The following CDS2 variants were observed in gnomAD, a reference collection of about 807,000 sequenced individuals.
CDS2 encodes phosphatidate cytidylyltransferase 2.
A neutral mutation model predicts 59.0 loss-of-function variants in CDS2; 47 were observed. That is an observed-to-expected ratio of 0.80 (90% CI 0.63 to 1.02). CDS2 has a LOEUF of 1.02. Among genes scored for constraint, CDS2 ranks in the 50% least tolerant of loss-of-function variants. The pLI, the probability that CDS2 is intolerant of heterozygous loss-of-function variation, is 0.00. For missense variants in CDS2, 356 were observed against 558.9 expected (o/e 0.64, Z 3.66); for synonymous variants, 207 against 206.4 (o/e 1.00, Z -0.02).
chr20:5,136,028 T>C (rs1027884878), intron 1 of CDS2, among the ~76,000 whole-genome samples: 5 of 152,184 alleles, frequency 3.3e-5, no homozygotes, highest in African/African-American at 1.2e-4. Flanking sequence ...GTAAAGACTT[T>C]GCTGAGGTTT....
At chr20:5,187,021 T>C in intron 10 of CDS2, 182 bp downstream of exon 10, 2 of 524,448 alleles carry the variant, frequency 3.8e-6, no homozygotes, top group Non-Finnish European at 6.8e-6. Context: ...TCCCCCAACA[T>C]CAGATTGTTT....
At chr20:5,152,080 T>TAA (rs60654420) in intron 1 of CDS2, among the ~76,000 whole-genome samples, 1 of 146,568 alleles carries the variant, frequency 6.8e-6, no homozygotes, top group Admixed American at 6.8e-5. Context: ...CATGGCTTTT[T>TAA]AAAAAAAAAA....
At position 5,189,800 on chromosome 20, in the gene CDS2, G is replaced by A. The variant is rs766792956; in HGVS notation, c.1167G>A (p.Met389Ile). The change falls in exon 12 of 13, where the codon ATG (methionine) becomes ATA (isoleucine). Residue 389 changes from methionine (M) to isoleucine (I), a missense_variant. Physicochemically the swap from Met to Ile is conservative, Grantham distance 10 (BLOSUM62 1). Around this residue, in one of 5 missense-constraint regions of CDS2, gnomAD observed 41 missense variants for 104.4 expected, o/e 0.39. Coordinates refer to ENST00000460006, the MANE Select transcript of CDS2 (RefSeq NM_003818.4). ...ATCGCTTTGACTGCCAGTATCTGAT[G>A]GCCACCTTTGTCAATGTATACATCG... is the stretch of plus-strand genomic sequence containing the variant. ...IMDRFDCQYL[M>I]ATFVNVYIAS... 1.2e-6 allele frequency: 2 copies of A among 1,614,030 alleles called. No homozygotes were observed. The highest frequency in any genetic ancestry group is 8.5e-7 in the Non-Finnish European group (1 of 1,179,948).
intron 2 of CDS2, among the ~76,000 whole-genome samples, chr20:5,173,878 A>G (rs1174489562): frequency 1.3e-5 from 2 of 152,214 alleles, no homozygotes; most frequent in Non-Finnish European, 2.9e-5. Context: ...GGCTGGAAGG[A>G]TCTGGCCCCG....
chr20:5,185,192 A>G (rs1012444102), intron 8 of CDS2, among the ~76,000 whole-genome samples: 2 of 152,016 alleles, frequency 1.3e-5, no homozygotes, highest in African/African-American at 4.8e-5. Context: ...ATGCTGAGGC[A>G]GGAGGATTGC....
At chr20:5,186,938 C>T (rs2091073864) in intron 10 of CDS2, 99 bp downstream of exon 10, 13 of 1,361,666 alleles carry the variant, frequency 9.5e-6, no homozygotes, top group Non-Finnish European at 1.0e-5. Flanking sequence ...CTAGCTTCCT[C>T]CTTCCCAAAG....
chr20:5,129,434 G>A (rs1313549723), intron 1 of CDS2, among the ~76,000 whole-genome samples: 5 of 149,078 alleles, frequency 3.4e-5, no homozygotes, highest in Non-Finnish European at 1.5e-5. Flanking sequence ...CCGCCACCAC[G>A]CTCGGCTAAT....
chr20:5,167,922 G>T (rs1441963511), intron 1 of CDS2, among the ~76,000 whole-genome samples: 2 of 152,224 alleles, frequency 1.3e-5, no homozygotes, highest in Non-Finnish European at 2.9e-5. Flanking sequence ...AGAGTTGTTG[G>T]AGGCATAACC....
intron 5 of CDS2, among the ~76,000 whole-genome samples, chr20:5,180,162 C>T (rs1863023566): frequency 6.6e-6 from 1 of 152,160 alleles, no homozygotes; most frequent in African/African-American, 2.4e-5. Context: ...GGTTCCTTTC[C>T]TTCCTGGAGA....
intron 1 of CDS2, among the ~76,000 whole-genome samples, chr20:5,146,171 A>G (rs2090741976): frequency 1.3e-5 from 2 of 152,188 alleles, no homozygotes; most frequent in Non-Finnish European, 1.5e-5. Context: ...AGGCAGTTGC[A>G]ACACTTTTGT....
At chr20:5,134,340 A>G (rs1281573583) in intron 1 of CDS2, among the ~76,000 whole-genome samples, 1 of 152,172 alleles carries the variant, frequency 6.6e-6, no homozygotes, top group Non-Finnish European at 1.5e-5. Flanking sequence ...CACTGACTGT[A>G]GGGTCTGCTA....
chr20:5,137,494 TG>T (rs199715111), intron 1 of CDS2, among the ~76,000 whole-genome samples: 11,218 of 152,030 alleles, frequency 0.074, 477 homozygotes, highest in Middle Eastern at 0.16. Flanking sequence ...CTGCCCGCCT[TG>T]GCCTCCCAAA....
At chr20:5,141,764 C>G (rs2090696033) in intron 1 of CDS2, among the ~76,000 whole-genome samples, 2 of 152,050 alleles carry the variant, frequency 1.3e-5, no homozygotes, top group South Asian at 4.1e-4. Context: ...TATCTCTAGG[C>G]AAATAGTGGC....
chr20:5,172,514 C>T lies in CDS2; in HGVS notation c.58-1009C>T, dbSNP rs117977771. Among the ~76,000 whole-genome samples the T allele has an allele frequency of 4.8e-3, 736 of 152,254 alleles. 13 individuals carry two copies. The highest frequency in any genetic ancestry group is 0.035 in the East Asian group (182 of 5,180). ...TGAACATGTGAGACAGTCACAATTC[C>T]GTGTATTCATCAGTCATCAGGGAAG... On this transcript the variant is annotated intron_variant, in intron 1 of 12. Transcript: ENST00000460006.
intron 2 of CDS2, among the ~76,000 whole-genome samples, chr20:5,174,222 C>T (rs1051567995): frequency 2.0e-5 from 3 of 152,146 alleles, no homozygotes; most frequent in African/African-American, 7.2e-5. Flanking sequence ...TTATAAGACC[C>T]CAAAGCATTA....
At chr20:5,168,229 A>G (rs970513879) in intron 1 of CDS2, among the ~76,000 whole-genome samples, 1 of 151,444 alleles carries the variant, frequency 6.6e-6, no homozygotes, top group Admixed American at 6.6e-5. Context: ...AGCCTGGCCA[A>G]TGTGGCAAAA....
chr20:5,142,329 C>T (rs1369766497), intron 1 of CDS2, among the ~76,000 whole-genome samples: 1 of 152,022 alleles, frequency 6.6e-6, no homozygotes, highest in Non-Finnish European at 1.5e-5. Flanking sequence ...TGCCTGTAAT[C>T]CCAGCTGCTC....
rs576560148 is a variant in CDS2, at chr20:5,183,986, G to A, written c.671+843G>A. 2.1e-4 allele frequency among the ~76,000 whole-genome samples: 32 copies of A among 152,106 alleles called. 1 individual carries two copies. The South Asian group carries it at 6.7e-3, about 32-fold the overall frequency. The stretch of plus-strand genomic sequence containing the variant: ...GCCTGGGCAACATAGTGAAATCCCC[G>A]TCTCTACTAAAAATACAAAAAAATA... On this transcript the variant is annotated intron_variant, in intron 7 of 12. Transcript: ENST00000460006.
At chr20:5,172,140 A>G (rs375487671) in intron 1 of CDS2, among the ~76,000 whole-genome samples, 32 of 152,266 alleles carry the variant, frequency 2.1e-4, no homozygotes, top group East Asian at 1.5e-3. Context: ...TCCATTAGTA[A>G]GTGTTTTGCT....
Sources: allele counts gnomAD v4.1 joint callset (sites outside exome capture counted in the v4.1 genomes callset), GRCh38; gene constraint gnomAD v4.1.1; regional missense constraint gnomAD v4.1.1; transcripts MANE v1.5; gene names NCBI Gene and HGNC (gene_info 2026-07-23, HGNC 2026-07-21).